The following PTGER3 variants were observed in gnomAD, a reference collection of about 807,000 sequenced individuals.
The protein encoded by PTGER3 is prostaglandin E receptor 3.
A neutral mutation model predicts 34.7 loss-of-function variants in PTGER3; 22 were observed. The ratio of observed to expected loss-of-function variants is 0.63; its 90% confidence interval spans 0.45 to 0.91. The LOEUF (loss-of-function observed/expected upper bound fraction) is 0.91, where lower values mean the gene tolerates loss of function less well. PTGER3 is among the 40% of genes least tolerant of loss of function. The pLI is 0.00. For missense variants in PTGER3, 468 were observed against 519.4 expected, an observed-to-expected ratio of 0.90 and a Z score of 0.96; for synonymous variants, 241 against 230.1, an observed-to-expected ratio of 1.05 and a Z score of -0.43.
downstream of PTGER3, among the ~76,000 whole-genome samples, chr1:70,969,108 G>A (rs1557696498): frequency 6.6e-6 from 1 of 152,072 alleles, no homozygotes; most frequent in Non-Finnish European, 1.5e-5. Flanking sequence ...TCAGGACGCT[G>A]AAGCAGGAGA....
chr1:70,963,241 A>G (rs1191801365), intron 2 of PTGER3, among the ~76,000 whole-genome samples: 1 of 152,130 alleles, frequency 6.6e-6, no homozygotes, highest in Non-Finnish European at 1.5e-5. Flanking sequence ...ATGGGCTGGC[A>G]TTGAGTATCT....
At position 70,965,611 on chromosome 1, in the gene PTGER3, A is replaced by C. The variant is rs568343859; in HGVS notation, c.1078-11822T>G. Among the ~76,000 whole-genome samples the C allele has an allele frequency of 7.9e-5, 12 of 152,210 alleles. No homozygotes were observed. The South Asian group carries it at 2.5e-3, about 32-fold the overall frequency. On this transcript the variant is annotated intron_variant, in intron 2 of 3. Coordinates refer to the PTGER3 transcript ENST00000356595. Reference sequence around the variant, plus strand: ...CTTAATATGACAGTTAGCTAATTTTACTTGAATACCTATGTCTTATTCTTT... The same window carrying C: ...CTTAATATGACAGTTAGCTAATTTTCCTTGAATACCTATGTCTTATTCTTT...
intron 4 of PTGER3, among the ~76,000 whole-genome samples, chr1:70,910,776 T>C (rs1358161112): frequency 6.6e-6 from 1 of 152,148 alleles, no homozygotes; most frequent in East Asian, 1.9e-4. Context: ...ATGAGCCACG[T>C]TCTGGTTGTA....
intron 1 of PTGER3, among the ~76,000 whole-genome samples, chr1:71,041,619 A>C (rs1437902458): frequency 6.6e-6 from 1 of 152,228 alleles, no homozygotes; most frequent in Non-Finnish European, 1.5e-5. Context: ...AGGGAAAAGG[A>C]GGACTAGAGA....
intron 4 of PTGER3, among the ~76,000 whole-genome samples, chr1:70,863,012 T>C (rs1274373982): frequency 6.6e-6 from 1 of 151,944 alleles, no homozygotes; most frequent in Non-Finnish European, 1.5e-5. Flanking sequence ...GAGACACTTG[T>C]AGGATGTAAA....
chr1:71,007,570 T>C (rs776003402), intron 2 of PTGER3: 1 of 985,214 alleles, frequency 1.0e-6, no homozygotes, highest in Admixed American at 6.2e-5. Context: ...AGGTAGAAAA[T>C]GGACAGGTTT....
At chr1:70,882,688 G>A (rs1353260097) in intron 4 of PTGER3, among the ~76,000 whole-genome samples, 1 of 152,146 alleles carries the variant, frequency 6.6e-6, no homozygotes, top group African/African-American at 2.4e-5. Context: ...GGGGGCCAGA[G>A]GGATTTTTCC....
At chr1:70,931,229 A>G (rs1648659864) in intron 4 of PTGER3, among the ~76,000 whole-genome samples, 1 of 152,170 alleles carries the variant, frequency 6.6e-6, no homozygotes, top group Admixed American at 6.5e-5. Flanking sequence ...GTGGGTTCCC[A>G]TGGTCTTGGG....
At chr1:70,933,441 A>G (rs1477010177) in intron 4 of PTGER3, among the ~76,000 whole-genome samples, 1 of 152,194 alleles carries the variant, frequency 6.6e-6, no homozygotes, top group Non-Finnish European at 1.5e-5. Flanking sequence ...GTGCTTTGTA[A>G]AAAGTAAGTT....
At chr1:70,973,657 T>G (rs1184906647) in intron 3 of PTGER3, among the ~76,000 whole-genome samples, 1 of 152,176 alleles carries the variant, frequency 6.6e-6, no homozygotes, top group Non-Finnish European at 1.5e-5. Flanking sequence ...CTGTGTTATC[T>G]CTGAAAAAAT....
chr1:71,024,267 A>G (rs1572960525), intron 1 of PTGER3, among the ~76,000 whole-genome samples: 1 of 152,182 alleles, frequency 6.6e-6, no homozygotes, highest in East Asian at 1.9e-4. Context: ...CTTTTTCTTT[A>G]CTTGAAAAAT....
chr1:70,883,257 T>C (rs1295123355), intron 4 of PTGER3, among the ~76,000 whole-genome samples: 2 of 152,224 alleles, frequency 1.3e-5, no homozygotes, highest in Admixed American at 6.5e-5. Context: ...GGTACAAAAT[T>C]AGTATTCAAT....
At chr1:70,926,608 C>A (rs1270737717) in intron 4 of PTGER3, among the ~76,000 whole-genome samples, 1 of 152,144 alleles carries the variant, frequency 6.6e-6, no homozygotes, top group African/African-American at 2.4e-5. Context: ...TCTAGATATA[C>A]AATGATGTCG....
chr1:70,983,284 G>GAAAAA (rs3044618), intron 2 of PTGER3, among the ~76,000 whole-genome samples: 3 of 148,252 alleles, frequency 2.0e-5, no homozygotes, highest in Admixed American at 1.3e-4. Flanking sequence ...TAATTAATCT[G>GAAAAA]AAAAAAAAAA....
At chr1:70,984,337 A>G (rs1213821330) in intron 2 of PTGER3, among the ~76,000 whole-genome samples, 1 of 152,042 alleles carries the variant, frequency 6.6e-6, no homozygotes, top group Non-Finnish European at 1.5e-5. Context: ...CAGTGAGCCA[A>G]GATCATACCA....
At chr1:71,009,336 A>G (rs1430086444) in intron 2 of PTGER3, 1 of 981,480 alleles carries the variant, frequency 1.0e-6, no homozygotes, top group East Asian at 1.1e-4. Context: ...AAGTAGAAAT[A>G]TATGTATACC....
At chr1:70,927,331 C>A (rs948113704) in intron 4 of PTGER3, among the ~76,000 whole-genome samples, 15 of 151,968 alleles carry the variant, frequency 9.9e-5, no homozygotes, top group Admixed American at 3.3e-4. Context: ...TTGGTTGGAA[C>A]CTACAGATAG....
At chr1:70,966,129 A>G (rs537302207), downstream of PTGER3, among the ~76,000 whole-genome samples, 1 of 152,316 alleles carries the variant, frequency 6.6e-6, no homozygotes, top group African/African-American at 2.4e-5. Context: ...AAGTAATACA[A>G]TTTATATTTT....
chr1:70,906,788 A>G (rs1352247647), intron 4 of PTGER3, among the ~76,000 whole-genome samples: 3 of 152,210 alleles, frequency 2.0e-5, no homozygotes, highest in Non-Finnish European at 2.9e-5. Flanking sequence ...GGAGAGAGTT[A>G]GCATTTGACA....
Sources: allele counts gnomAD v4.1 joint callset (sites outside exome capture counted in the v4.1 genomes callset), GRCh38; gene constraint gnomAD v4.1.1; transcripts MANE v1.5; gene names NCBI Gene and HGNC (gene_info 2026-07-23, HGNC 2026-07-21).